Variants in LRRC4C observed in about 807,000 individuals in gnomAD.
LRRC4C encodes the protein leucine rich repeat containing 4C, also known as leucine-rich repeat-containing protein 4C.
A neutral mutation model predicts 33.6 loss-of-function variants in LRRC4C; 5 were observed. The ratio of observed to expected loss-of-function variants is 0.15; its 90% CI spans 0.08 to 0.31. The LOEUF (loss-of-function observed/expected upper bound fraction) is 0.31, where lower values mean the gene tolerates loss of function less well. Among genes scored for constraint, LRRC4C ranks in the 10% least tolerant of loss-of-function variants. The pLI is 1.00. For missense variants in LRRC4C, 560 were observed against 796.7 expected (o/e 0.70, Z 3.58); for synonymous variants, 329 against 302.0 (o/e 1.09, Z -0.93).
At chr11:40,575,037 G>T (rs561500104) in intron 3 of LRRC4C, among the ~76,000 whole-genome samples, 2 of 152,192 alleles carry the variant, frequency 1.3e-5, no homozygotes, top group Non-Finnish European at 1.5e-5. Context: ...TCAAAGGAGA[G>T]CCTCAGCAGG....
intron 3 of LRRC4C, among the ~76,000 whole-genome samples, chr11:40,614,238 C>T (rs1961529747): frequency 6.6e-6 from 1 of 151,848 alleles, no homozygotes; most frequent in African/African-American, 2.4e-5. Flanking sequence ...TTGGTGTAGC[C>T]ACTTTCATCA....
At chr11:41,350,858 G>A (rs1951957046) in intron 1 of LRRC4C, among the ~76,000 whole-genome samples, 4 of 152,174 alleles carry the variant, frequency 2.6e-5, no homozygotes, top group Admixed American at 6.5e-5. Flanking sequence ...AGTATTAACA[G>A]CAGAATAGAC....
chr11:40,369,414 G>T (rs749577459), intron 3 of LRRC4C, among the ~76,000 whole-genome samples: 1 of 152,074 alleles, frequency 6.6e-6, no homozygotes, highest in South Asian at 2.1e-4. Flanking sequence ...GCGCGATCTC[G>T]GAATCACCGC....
chr11:40,302,904 T>C (rs1944845476), intron 4 of LRRC4C, among the ~76,000 whole-genome samples: 1 of 152,210 alleles, frequency 6.6e-6, no homozygotes, highest in Non-Finnish European at 1.5e-5. Flanking sequence ...CATTCATTGT[T>C]TGTGCTTTAG....
intron 1 of LRRC4C, among the ~76,000 whole-genome samples, chr11:41,211,237 G>A (rs1052405407): frequency 1.3e-5 from 2 of 152,162 alleles, no homozygotes; most frequent in African/African-American, 4.8e-5. Context: ...GCAGGGTGAA[G>A]AGCAGACTGC....
intron 5 of LRRC4C, among the ~76,000 whole-genome samples, chr11:40,163,334 A>C (rs893807710): frequency 6.6e-6 from 1 of 152,212 alleles, no homozygotes; most frequent in Non-Finnish European, 1.5e-5. Context: ...AGGGTTTAGA[A>C]CAAAGTATGC....
intron 2 of LRRC4C, among the ~76,000 whole-genome samples, chr11:40,651,382 GAC>G (rs1227401346): frequency 6.6e-6 from 1 of 151,980 alleles, no homozygotes; most frequent in Non-Finnish European, 1.5e-5. Flanking sequence ...GAGAGAAAGA[GAC>G]AGAAAAAAGT....
chr11:40,972,756 C>T (rs867907851), intron 1 of LRRC4C, among the ~76,000 whole-genome samples: 2 of 152,148 alleles, frequency 1.3e-5, no homozygotes, highest in Admixed American at 6.5e-5. Context: ...GGACTGCCCT[C>T]ATGATATAAT....
chr11:41,367,032 C>T (rs943997883), intron 1 of LRRC4C, among the ~76,000 whole-genome samples: 6 of 152,110 alleles, frequency 3.9e-5, no homozygotes, highest in Admixed American at 3.3e-4. Context: ...AATTTGAACC[C>T]AGTGTTTCTA....
chr11:41,276,898 C>A (rs1210454656), intron 1 of LRRC4C, among the ~76,000 whole-genome samples: 1 of 152,180 alleles, frequency 6.6e-6, no homozygotes, highest in East Asian at 1.9e-4. Context: ...CCAGGAGGAA[C>A]ACAACCTTAC....
At chr11:40,942,051 T>C in intron 1 of LRRC4C, among the ~76,000 whole-genome samples, 1 of 151,968 alleles carries the variant, frequency 6.6e-6, no homozygotes, top group East Asian at 1.9e-4. Flanking sequence ...CAGACTACGG[T>C]GAATGTCTGA....
intron 2 of LRRC4C, among the ~76,000 whole-genome samples, chr11:40,787,340 G>A (rs913336166): frequency 6.6e-6 from 1 of 152,146 alleles, no homozygotes; most frequent in Non-Finnish European, 1.5e-5. Context: ...GTGACAGTCC[G>A]TTAGTGAATT....
intron 3 of LRRC4C, among the ~76,000 whole-genome samples, chr11:40,375,584 G>A (rs554697662): frequency 1.8e-4 from 28 of 152,226 alleles, no homozygotes; most frequent in South Asian, 8.3e-4. Flanking sequence ...GACATGAAAA[G>A]GTGAGCCTTG....
intron 2 of LRRC4C, among the ~76,000 whole-genome samples, chr11:40,658,123 G>T (rs1030617021): frequency 3.9e-5 from 6 of 152,152 alleles, no homozygotes; most frequent in Admixed American, 3.9e-4. Context: ...GTAAACATTA[G>T]ATCAGGACAC....
chr11:41,289,572 G>C (rs932228531), intron 1 of LRRC4C, among the ~76,000 whole-genome samples: 4 of 152,176 alleles, frequency 2.6e-5, no homozygotes, highest in African/African-American at 9.7e-5. Context: ...CATGTGAACA[G>C]AGAAGAGGCC....
At chr11:40,206,742 C>A (rs1244457102) in intron 5 of LRRC4C, among the ~76,000 whole-genome samples, 1 of 152,084 alleles carries the variant, frequency 6.6e-6, no homozygotes, top group Non-Finnish European at 1.5e-5. Context: ...CTAAATCATG[C>A]TACTGTTAGG....
chr11:41,022,446 G>C (rs1335983853), intron 1 of LRRC4C, among the ~76,000 whole-genome samples: 3 of 151,822 alleles, frequency 2.0e-5, no homozygotes, highest in African/African-American at 7.2e-5. Flanking sequence ...TGAGCTAGCT[G>C]GACTATGTGT....
intron 1 of LRRC4C, among the ~76,000 whole-genome samples, chr11:40,986,961 G>A (rs926434970): frequency 2.0e-5 from 3 of 152,184 alleles, no homozygotes; most frequent in African/African-American, 7.2e-5. Context: ...TCAGTTTGGT[G>A]GATAATTAAT....
chr11:40,358,574 C>T (rs1400386076), intron 3 of LRRC4C, among the ~76,000 whole-genome samples: 2 of 152,190 alleles, frequency 1.3e-5, no homozygotes, highest in Non-Finnish European at 2.9e-5. Flanking sequence ...AGTTACTGCG[C>T]CTGGTCCCCA....
Sources: gnomAD v4.1 joint callset for allele counts (sites outside exome capture counted in the v4.1 genomes callset) on GRCh38, gnomAD v4.1.1 for gene constraint, MANE v1.5 for transcripts, NCBI Gene and HGNC (gene_info 2026-07-23, HGNC 2026-07-21) for gene names.